The following SLIT3 variants were observed in gnomAD, a reference collection of about 807,000 sequenced individuals.
The protein encoded by SLIT3 is slit guidance ligand 3.
A neutral mutation model predicts 184.0 loss-of-function variants in SLIT3; 68 were observed. The ratio of observed to expected loss-of-function variants is 0.37; its 90% CI spans 0.30 to 0.45. The LOEUF (loss-of-function observed/expected upper bound fraction) is 0.45, where lower values mean the gene tolerates loss of function less well. SLIT3 is among the 20% of genes least tolerant of loss of function. SLIT3 has a pLI of 1.00. For missense variants in SLIT3, 1,707 were observed against 2,026.0 expected (o/e 0.84, Z 3.02); for synonymous variants, 831 against 828.6 (o/e 1.00, Z -0.05).
At chr5:168,927,617 C>G (rs572072650) in intron 4 of SLIT3, among the ~76,000 whole-genome samples, 4 of 152,352 alleles carry the variant, frequency 2.6e-5, no homozygotes, top group South Asian at 2.1e-4. Flanking sequence ...TTAGACTTCA[C>G]CCACTGCTTC....
At chr5:169,195,294 G>A (rs1191580593) in intron 3 of SLIT3, among the ~76,000 whole-genome samples, 4 of 152,088 alleles carry the variant, frequency 2.6e-5, no homozygotes, top group South Asian at 4.1e-4. Context: ...AGGGATGAGC[G>A]ACTAGAAGGA....
At chr5:168,680,671 C>T (rs370141962) in intron 32 of SLIT3, among the ~76,000 whole-genome samples, 1 of 152,180 alleles carries the variant, frequency 6.6e-6, no homozygotes, top group Admixed American at 6.5e-5. Context: ...CTGGCCCCCT[C>T]GGCTGCTGGT....
chr5:169,028,867 A>T (rs188261630), intron 4 of SLIT3, among the ~76,000 whole-genome samples: 3,827 of 152,284 alleles, frequency 0.025, 167 homozygotes, highest in African/African-American at 0.087. Context: ...TTTTGGCAAC[A>T]CTAGCAAAAG....
intron 5 of SLIT3, among the ~76,000 whole-genome samples, chr5:168,873,254 A>G (rs1759602362): frequency 6.6e-6 from 1 of 152,114 alleles, no homozygotes; most frequent in South Asian, 2.1e-4. Flanking sequence ...TTCTGAATTT[A>G]AGCCTCAATT....
intron 4 of SLIT3, among the ~76,000 whole-genome samples, chr5:169,067,314 G>A (rs908514247): frequency 1.3e-5 from 2 of 152,092 alleles, no homozygotes; most frequent in Non-Finnish European, 2.9e-5. Context: ...GCTGAGGCAG[G>A]AGAATTGCTT....
Position 169,022,979 on chromosome 5 carries a change from G to C in SLIT3, c.414-139643C>G, listed in dbSNP as rs139568754. On this transcript the variant is annotated intron_variant, in intron 4 of 35. Transcript: ENST00000519560. ...AAAAAATATATCACCATTTCACTAA[G>C]AGTCCAGTATTGTTTGTACTTCTAG... 8 of 152,268 alleles carry C rather than the reference G, an allele frequency of 5.3e-5. No homozygotes were observed. In the East Asian group the frequency reaches 1.3e-3, roughly 26 times the overall value. The allele number at this position is 152,268 out of a possible 1,614,324, so 9.4% of individuals were successfully genotyped here.
chr5:169,114,416 G>A (rs1178988972), intron 4 of SLIT3, among the ~76,000 whole-genome samples: 1 of 152,228 alleles, frequency 6.6e-6, no homozygotes, highest in Non-Finnish European at 1.5e-5. Flanking sequence ...TAAGCAAGCA[G>A]CCTGGCTCAA....
intron 4 of SLIT3, among the ~76,000 whole-genome samples, chr5:168,964,344 A>G (rs184526132): frequency 6.6e-6 from 1 of 152,332 alleles, no homozygotes; most frequent in Admixed American, 6.5e-5. Context: ...TTAATACCTA[A>G]CCTGTTGGAA....
chr5:169,297,553 G>A (rs971881973), intron 1 of SLIT3, among the ~76,000 whole-genome samples: 5 of 152,166 alleles, frequency 3.3e-5, no homozygotes, highest in Admixed American at 3.3e-4. Flanking sequence ...CGGAGAAAAT[G>A]CAGTTTCTTT....
Position 169,007,154 on chromosome 5 carries a change from A to G in SLIT3, c.414-123818T>C, listed in dbSNP as rs1755966368. ...TTCCCCTGCTCTTCTCTCTCCTGCCACCTTGTGAAGAAGGTCCCTGCTTCC... is the reference window on the plus strand; with the variant it reads ...TTCCCCTGCTCTTCTCTCTCCTGCCGCCTTGTGAAGAAGGTCCCTGCTTCC... On this transcript the variant is annotated intron_variant, in intron 4 of 35. Transcript: ENST00000519560. Among the ~76,000 whole-genome samples, 5 of 152,160 alleles carry G rather than the reference A, an allele frequency of 3.3e-5. 1 individual carries two copies. The South Asian group carries it at 1.0e-3, about 32-fold the overall frequency.
intron 14 of SLIT3, chr5:168,772,574 G>T: frequency 1.8e-6 from 1 of 558,876 alleles, no homozygotes; most frequent in South Asian, 2.1e-5. Context: ...CTTTTATTGT[G>T]TGTGTGTGTG....
chr5:169,255,659 G>A (rs771078144), intron 1 of SLIT3, among the ~76,000 whole-genome samples: 33 of 152,110 alleles, frequency 2.2e-4, no homozygotes, highest in Non-Finnish European at 3.1e-4. Context: ...CAAGCCGGGC[G>A]GATCACAAGG....
At chr5:168,990,608 T>G (rs975404788) in intron 4 of SLIT3, among the ~76,000 whole-genome samples, 52 of 152,162 alleles carry the variant, frequency 3.4e-4, no homozygotes, top group African/African-American at 1.2e-3. Flanking sequence ...GTTATTTATT[T>G]TTGTCCTGTA....
intron 1 of SLIT3, among the ~76,000 whole-genome samples, chr5:169,297,756 T>C (rs1767556456): frequency 6.6e-6 from 1 of 152,214 alleles, no homozygotes; most frequent in African/African-American, 2.4e-5. Context: ...TTTTCTTCTG[T>C]ATTTGCAATG....
intron 30 of SLIT3, among the ~76,000 whole-genome samples, chr5:168,686,496 T>C (rs577347484): frequency 2.6e-5 from 4 of 152,250 alleles, no homozygotes; most frequent in Admixed American, 6.5e-5. Flanking sequence ...GGACAAATGC[T>C]GTATGTGTCC....
intron 1 of SLIT3, among the ~76,000 whole-genome samples, chr5:169,260,994 G>A (rs1463626225): frequency 6.6e-6 from 1 of 152,244 alleles, no homozygotes; most frequent in Non-Finnish European, 1.5e-5. Context: ...ACTCAGCTTT[G>A]TAGTGTGAGA....
chr5:168,712,156 G>T, intron 24 of SLIT3, 127 bp downstream of exon 24: 1 of 787,026 alleles, frequency 1.3e-6, no homozygotes, highest in Non-Finnish European at 2.2e-6. Flanking sequence ...TGGATACATA[G>T]TTGTATAATA....
intron 4 of SLIT3, among the ~76,000 whole-genome samples, chr5:168,987,938 T>C (rs1755191845): frequency 2.0e-5 from 3 of 152,228 alleles, no homozygotes; most frequent in African/African-American, 4.8e-5. Context: ...ATGGGACCAC[T>C]GTGTCACAGC....
chr5:168,889,766 C>A (rs1760371735), intron 4 of SLIT3, among the ~76,000 whole-genome samples: 1 of 152,176 alleles, frequency 6.6e-6, no homozygotes, highest in African/African-American at 2.4e-5. Context: ...TGTCCTCCTG[C>A]AGTTTACATC....
Sources: allele counts gnomAD v4.1 joint callset (sites outside exome capture counted in the v4.1 genomes callset), GRCh38; gene constraint gnomAD v4.1.1; transcripts MANE v1.5; gene names NCBI Gene and HGNC (gene_info 2026-07-23, HGNC 2026-07-21).